Variants in WDR49 observed in about 807,000 individuals in gnomAD.
The protein encoded by WDR49 is WD repeat domain 49, also known as cilia- and flagella-associated protein 337.
In WDR49, 107 loss-of-function variants were observed where a neutral mutation model predicts 119.5. The observed-to-expected ratio is 0.90, with a 90% CI of 0.77 to 1.05. The LOEUF is 1.05. Ranked by LOEUF, WDR49 falls within the 50% of genes least tolerant of loss-of-function variation. The pLI is 0.00. For missense variants in WDR49, 1,240 were observed against 1,220.5 expected (o/e 1.02, Z -0.24); for synonymous variants, 425 against 418.8 (o/e 1.01, Z -0.18).
upstream of WDR49, among the ~76,000 whole-genome samples, chr3:167,657,856 C>T (rs1718641809): frequency 6.6e-6 from 1 of 152,184 alleles, no homozygotes; most frequent in Non-Finnish European, 1.5e-5. Flanking sequence ...TCATGCCTTC[C>T]AGCAAAGCCC....
At chr3:167,589,920 T>A (rs1715018941) in intron 7 of WDR49, among the ~76,000 whole-genome samples, 1 of 152,132 alleles carries the variant, frequency 6.6e-6, no homozygotes, top group Non-Finnish European at 1.5e-5. Context: ...TTCTCTTGTC[T>A]GATTATTCTA....
chr3:167,510,031 T>C (rs1474577748), intron 16 of WDR49, among the ~76,000 whole-genome samples: 1 of 152,232 alleles, frequency 6.6e-6, no homozygotes, highest in East Asian at 1.9e-4. Context: ...AACAATGGCT[T>C]TACCACAGAT....
chr3:167,640,353 C>A (rs1717823096), intron 2 of WDR49, among the ~76,000 whole-genome samples: 1 of 151,830 alleles, frequency 6.6e-6, no homozygotes, highest in African/African-American at 2.4e-5. Context: ...TATTAACCAT[C>A]TTCCGTTGAC....
intron 2 of WDR49, among the ~76,000 whole-genome samples, chr3:167,631,465 C>T (rs1189643909): frequency 1.3e-5 from 2 of 151,874 alleles, no homozygotes; most frequent in Non-Finnish European, 2.9e-5. Context: ...TGAGAAGGAC[C>T]ATTGAAGTGC....
intron 5 of WDR49, among the ~76,000 whole-genome samples, chr3:167,619,673 A>C (rs998274626): frequency 1.3e-5 from 2 of 152,176 alleles, no homozygotes; most frequent in Non-Finnish European, 2.9e-5. Context: ...AATTTCATTA[A>C]AGTCAATGAG....
chr3:167,584,090 T>C (rs1473640727), intron 7 of WDR49, among the ~76,000 whole-genome samples: 3 of 152,038 alleles, frequency 2.0e-5, no homozygotes. Flanking sequence ...AACAAGAGAC[T>C]ATCCAAAATT....
intron 7 of WDR49, among the ~76,000 whole-genome samples, chr3:167,600,084 A>G (rs761950765): frequency 2.0e-5 from 3 of 152,058 alleles, no homozygotes; most frequent in Non-Finnish European, 4.4e-5. Flanking sequence ...CCAGGGACCT[A>G]TCTTATTGTG....
intron 5 of WDR49, among the ~76,000 whole-genome samples, chr3:167,619,229 CAAAT>C (rs1374412523): frequency 2.0e-5 from 3 of 152,016 alleles, no homozygotes; most frequent in East Asian, 1.9e-4. Flanking sequence ...ATCTAAAAAA[CAAAT>C]GAATATGAAT....
At chr3:167,544,099 T>C (rs1712013918) in intron 10 of WDR49, among the ~76,000 whole-genome samples, 3 of 150,196 alleles carry the variant, frequency 2.0e-5, no homozygotes, top group African/African-American at 4.9e-5. Flanking sequence ...TTTAGGAATA[T>C]ACCTGACCAA....
At chr3:167,555,050 G>T (rs895124880) in intron 9 of WDR49, among the ~76,000 whole-genome samples, 1 of 152,120 alleles carries the variant, frequency 6.6e-6, no homozygotes, top group Admixed American at 6.5e-5. Context: ...CTAATGACAT[G>T]ACTCCAGGCT....
intron 9 of WDR49, among the ~76,000 whole-genome samples, chr3:167,557,324 A>G (rs1712992647): frequency 6.6e-6 from 1 of 152,188 alleles, no homozygotes; most frequent in African/African-American, 2.4e-5. Flanking sequence ...AAAATCATCC[A>G]CAGATATATT....
chr3:167,522,543 A>C, intron 15 of WDR49, 59 bp from the exon 16 acceptor site: 2 of 1,527,150 alleles, frequency 1.3e-6, no homozygotes, highest in African/African-American at 2.8e-5. Context: ...TCAAACATTT[A>C]CGTGTGTTTA....
At position 167,528,014 on chromosome 3, in the gene WDR49, A is replaced by G; in HGVS notation, c.2410T>C (p.Tyr804His). The change falls in exon 15 of 19, where the codon TAC becomes CAC. Residue 804 changes from tyrosine to histidine, a missense_variant. Transcript: ENST00000682715. The stretch of plus-strand genomic sequence containing the variant: ...TTGTTCTTACTGGAGTTAAGACAGT[A>G]CTCCTGAATGAAAAGAAATACCAGA... ...GWLKIWNIEE[Y>H]CLNSSKNKIT... 1 of 1,610,746 alleles carries G rather than the reference A, an allele frequency of 6.2e-7. No individual in the cohort carries two copies. The highest frequency in any genetic ancestry group is 1.3e-5 in the African/African-American group (1 of 74,884).
At chr3:167,486,904 C>T (rs1027460389) in intron 18 of WDR49, among the ~76,000 whole-genome samples, 4 of 152,014 alleles carry the variant, frequency 2.6e-5, no homozygotes, top group Admixed American at 1.3e-4. Flanking sequence ...ATAGAACACC[C>T]CATGGAACAA....
At chr3:167,541,970 G>C (rs1303386782) in intron 10 of WDR49, among the ~76,000 whole-genome samples, 1 of 151,870 alleles carries the variant, frequency 6.6e-6, no homozygotes, top group Non-Finnish European at 1.5e-5. Flanking sequence ...CTTGCAGTTA[G>C]CCAAGATCAC....
chr3:167,610,479 G>C (rs1183104879), intron 5 of WDR49, among the ~76,000 whole-genome samples: 1 of 152,244 alleles, frequency 6.6e-6, no homozygotes, highest in African/African-American at 2.4e-5. Flanking sequence ...TAAAGAGTGG[G>C]AAGAACTGCA....
At chr3:167,644,303 G>A (rs1215150008) in intron 2 of WDR49, among the ~76,000 whole-genome samples, 1 of 151,984 alleles carries the variant, frequency 6.6e-6, no homozygotes. Flanking sequence ...AGCATTTTAA[G>A]AACATTTATG....
intron 16 of WDR49, among the ~76,000 whole-genome samples, chr3:167,522,003 TAGATAGATAGATAGA>T (rs1560266174): frequency 6.1e-4 from 90 of 148,166 alleles, no homozygotes; most frequent in East Asian, 4.7e-3. Flanking sequence ...GATAGATAGA[TAGATAGATAGATAGA>T]TTGTTTTTGA....
At chr3:167,523,011 A>T (rs1043082574) in intron 15 of WDR49, among the ~76,000 whole-genome samples, 22 of 152,174 alleles carry the variant, frequency 1.4e-4, no homozygotes, top group African/African-American at 5.3e-4. Flanking sequence ...CCCCATTAAC[A>T]ATCTATTTTA....
Sources: gnomAD v4.1 joint callset for allele counts (sites outside exome capture counted in the v4.1 genomes callset) on GRCh38, gnomAD v4.1.1 for gene constraint, MANE v1.5 for transcripts, NCBI Gene and HGNC (gene_info 2026-07-23, HGNC 2026-07-21) for gene names.